BBX: variants seen among roughly 807,000 people sequenced by gnomAD.
The protein encoded by BBX is HMG box transcription factor BBX.
Under a neutral mutation model 100.2 loss-of-function variants are expected in BBX, and 30 were observed. The observed-to-expected ratio is 0.30, with a 90% CI of 0.22 to 0.41. The LOEUF (loss-of-function observed/expected upper bound fraction) is 0.41. Among genes scored for constraint, BBX ranks in the 10% least tolerant of loss-of-function variants. The pLI is 1.00. For synonymous variants in BBX, 376 were observed against 388.1 expected, an observed-to-expected ratio of 0.97 and a Z score of 0.37; for missense variants, 1,023 against 1,129.8, an observed-to-expected ratio of 0.91 and a Z score of 1.35.
At chr3:107,528,990 A>T (rs906788015) in intron 2 of BBX, among the ~76,000 whole-genome samples, 1 of 152,214 alleles carries the variant, frequency 6.6e-6, no homozygotes. Flanking sequence ...GAAATCTTTA[A>T]TAGAAATGGT....
chr3:107,533,544 G>C (rs974336428), intron 2 of BBX, among the ~76,000 whole-genome samples: 4 of 152,152 alleles, frequency 2.6e-5, no homozygotes, highest in Non-Finnish European at 4.4e-5. Context: ...TCTAAGTTGA[G>C]CCAAGTTAAA....
intron 3 of BBX, among the ~76,000 whole-genome samples, chr3:107,691,992 T>C (rs2108082068): frequency 6.6e-6 from 1 of 152,232 alleles, no homozygotes; most frequent in East Asian, 1.9e-4. Context: ...TGAAGTCGAT[T>C]TGACTGTTAC....
chr3:107,562,744 T>A (rs2050598149), intron 2 of BBX, among the ~76,000 whole-genome samples: 1 of 152,224 alleles, frequency 6.6e-6, no homozygotes, highest in Non-Finnish European at 1.5e-5. Context: ...TATTCACATT[T>A]ATATTTCTGC....
At chr3:107,635,016 C>A (rs2056767822) in intron 2 of BBX, among the ~76,000 whole-genome samples, 1 of 152,058 alleles carries the variant, frequency 6.6e-6, no homozygotes, top group East Asian at 1.9e-4. Flanking sequence ...TGAAAGAGAC[C>A]TGGGTCAAGT....
At chr3:107,674,834 C>G (rs1176002998) in intron 3 of BBX, 1 of 152,496 alleles carries the variant, frequency 6.6e-6, no homozygotes, top group African/African-American at 2.4e-5. Context: ...AGGGCAAGGC[C>G]TGGTAAGTTC....
rs369165652 is a variant in BBX at position 107,755,603 on chromosome 3, T to C, written c.831T>C (p.Ser277=). 1.9e-4 allele frequency: 303 copies of C among 1,613,554 alleles called. No individual in the cohort carries two copies. Among genetic ancestry groups the C allele is most frequent in the Non-Finnish European group, 2.4e-4 (286 of 1,179,630 alleles). ...TTGGATTGTCTTTAATATAGATTTCTTCAAACACTTCGCAGTTGGGTGGTG... is the reference window on the plus strand; with the variant it reads ...TTGGATTGTCTTTAATATAGATTTCCTCAAACACTTCGCAGTTGGGTGGTG... The part of the protein sequence containing the change: ...TSALFQFAEI[S]SNTSQLGGAE... The change falls in exon 10 of 18, where the codon TCT becomes TCC. Residue 277 remains serine (S), a synonymous_variant. Transcript: ENST00000325805.
At chr3:107,713,967 CTTTTTTTTTTTTT>C (rs569427270) in intron 4 of BBX, among the ~76,000 whole-genome samples, 3 of 82,282 alleles carry the variant, frequency 3.6e-5, no homozygotes, top group Admixed American at 1.5e-4. Context: ...TAATTTTTTT[CTTTTTTTTTTTTT>C]TTTTTTTTTT....
intron 2 of BBX, among the ~76,000 whole-genome samples, chr3:107,552,366 AAAAAAAAG>A (rs1158358911): frequency 1.7e-5 from 2 of 114,754 alleles, no homozygotes; most frequent in Non-Finnish European, 3.7e-5. Context: ...AAAAAAAAAA[AAAAAAAAG>A]GGATTGCTCT....
Position 107,789,986 on chromosome 3 carries a change from C to T in BBX, c.2293+110C>T, listed in dbSNP as rs147994842. The T allele has an allele frequency of 6.1e-4, 473 of 769,174 alleles. 1 individual carries two copies. In the African/African-American group the frequency reaches 6.9e-3, roughly 11 times the overall value. 47.6% of individuals were successfully genotyped at this position (769,174 alleles called of 1,614,324 possible). A position where few individuals can be genotyped will look rare whatever the true frequency, so the allele number is the denominator to read the frequency against. The stretch of plus-strand genomic sequence containing the variant: ...TTTGCCTTGTCCTCCCCTCTGCTTG[C>T]TTCAGTGCCATCAGCTCCTGACGCG... On this transcript the variant is annotated intron_variant, in intron 14 of 17. Transcript: ENST00000325805.
intron 2 of BBX, among the ~76,000 whole-genome samples, chr3:107,600,727 A>G (rs571095885): frequency 6.6e-6 from 1 of 152,166 alleles, no homozygotes. Flanking sequence ...ATAGAGGATA[A>G]TGTTGGGCCT....
rs971454106 is a variant in BBX at position 107,662,214 on chromosome 3, G to C, written c.-10+16305G>C. On this transcript the variant is annotated intron_variant, in intron 3 of 17. Transcript: ENST00000325805. ...AGAGAAAGCCAAGTGGTATTAATCA[G>C]ATTTCCTGCATGAGTTTAAAATTAG... 1.5e-4 allele frequency among the ~76,000 whole-genome samples: 23 copies of C among 152,176 alleles called. 1 individual carries two copies. Among genetic ancestry groups the C allele is most frequent in the Admixed American group, 9.8e-4 (15 of 15,274 alleles).
intron 2 of BBX, among the ~76,000 whole-genome samples, chr3:107,529,265 T>C (rs904415072): frequency 6.6e-6 from 1 of 152,226 alleles, no homozygotes; most frequent in Non-Finnish European, 1.5e-5. Context: ...AAGAGGAAGA[T>C]GCTTTTCTTG....
chr3:107,590,234 T>C (rs1349202024), intron 2 of BBX, among the ~76,000 whole-genome samples: 1 of 152,226 alleles, frequency 6.6e-6, no homozygotes, highest in Non-Finnish European at 1.5e-5. Flanking sequence ...AATTTATATG[T>C]ATTTATGTAT....
intron 2 of BBX, among the ~76,000 whole-genome samples, chr3:107,590,835 G>C (rs1244917626): frequency 6.6e-6 from 1 of 152,230 alleles, no homozygotes; most frequent in Non-Finnish European, 1.5e-5. Context: ...AGTGGGCTGT[G>C]CCCAGCACTT....
At chr3:107,735,130 T>A (rs1222632604) in intron 7 of BBX, among the ~76,000 whole-genome samples, 1 of 152,150 alleles carries the variant, frequency 6.6e-6, no homozygotes, top group Non-Finnish European at 1.5e-5. Context: ...AAAATAATGC[T>A]GTCTCTAAAT....
At chr3:107,802,522 G>A (rs547075125) in intron 17 of BBX, among the ~76,000 whole-genome samples, 130 of 152,332 alleles carry the variant, frequency 8.5e-4, no homozygotes, top group African/African-American at 3.0e-3. Flanking sequence ...GCACATACAC[G>A]TGCAGTGAGA....
chr3:107,605,386 T>TTGG lies in BBX; in HGVS notation c.-83-40450_-83-40449insTGG, dbSNP rs397704921. On this transcript the variant is annotated intron_variant, in intron 2 of 17. Transcript: ENST00000325805. The stretch of plus-strand genomic sequence containing the variant: ...ATTCTTCACTTTCTATTTTTTTTTT[T>TTGG]GGGGGGGGGATTTAATATTAAACCC... Among the ~76,000 whole-genome samples the TTGG allele has an allele frequency of 4.1e-3, 619 of 149,288 alleles. 4 individuals are homozygous for TTGG. Among genetic ancestry groups the TTGG allele is most frequent in the African/African-American group, 0.014 (584 of 40,624 alleles).
intron 2 of BBX, among the ~76,000 whole-genome samples, chr3:107,551,630 A>C (rs1386955988): frequency 6.6e-6 from 1 of 152,226 alleles, no homozygotes; most frequent in African/African-American, 2.4e-5. Flanking sequence ...TATAGTCCTG[A>C]AAATTGTTAA....
chr3:107,747,937 A>T, intron 8 of BBX, 28 bp from the exon 9 acceptor site: 3 of 1,564,202 alleles, frequency 1.9e-6, no homozygotes, highest in Non-Finnish European at 2.6e-6. Flanking sequence ...ATGTCATTGT[A>T]TATTAAAAAT....
Sources: allele counts gnomAD v4.1 joint callset (sites outside exome capture counted in the v4.1 genomes callset), GRCh38; gene constraint gnomAD v4.1.1; transcripts MANE v1.5; gene names NCBI Gene and HGNC (gene_info 2026-07-23, HGNC 2026-07-21).